The following CFAP47 variants were observed in gnomAD, a reference collection of about 807,000 sequenced individuals.
CFAP47 encodes the protein cilia and flagella associated protein 47, also known as cilia- and flagella-associated protein 47.
In CFAP47, 29 loss-of-function variants were observed where a neutral mutation model predicts 148.1. That is an observed-to-expected ratio of 0.20 (90% CI 0.15 to 0.27). CFAP47 has a LOEUF of 0.27. Ranked by LOEUF, CFAP47 falls within the 10% of genes least tolerant of loss-of-function variation. The pLI is 1.00. For synonymous variants in CFAP47, 664 were observed against 577.3 expected, an observed-to-expected ratio of 1.15 and a Z score of -2.15; for missense variants, 1,872 against 1,697.5, an observed-to-expected ratio of 1.10 and a Z score of -1.81.
chrX:36,113,521 T>TG (rs1938587488), intron 33 of CFAP47, among the ~76,000 whole-genome samples: 3 of 111,462 alleles, frequency 2.7e-5, no homozygotes, highest in African/African-American at 9.8e-5. Flanking sequence ...CCTTTAACAA[T>TG]TTTTCTTTCA....
chrX:36,226,564 T>C (rs1250585123), intron 45 of CFAP47, among the ~76,000 whole-genome samples: 2 of 111,793 alleles, frequency 1.8e-5, no homozygotes, highest in Non-Finnish European at 3.8e-5. Flanking sequence ...GATTTATAAA[T>C]ACATCATCAA....
intron 45 of CFAP47, among the ~76,000 whole-genome samples, chrX:36,225,307 C>A (rs1017588555): frequency 8.9e-6 from 1 of 111,759 alleles, no homozygotes; most frequent in Non-Finnish European, 1.9e-5. Flanking sequence ...TTCTATTATT[C>A]CATTTTAACA....
chrX:36,050,240 G>A (rs1197837376), intron 26 of CFAP47, among the ~76,000 whole-genome samples: 4 of 111,626 alleles, frequency 3.6e-5, no homozygotes, highest in Non-Finnish European at 5.6e-5. Context: ...ACAGGCAGAG[G>A]TTGGAACAGT....
chrX:36,002,679 A>G (rs187052436), intron 21 of CFAP47, among the ~76,000 whole-genome samples: 27 of 111,919 alleles, frequency 2.4e-4, no homozygotes, highest in African/African-American at 7.8e-4. Context: ...ATCAGAGTAT[A>G]AGATTCTTAT....
chrX:35,960,052 G>A (rs989185467), intron 8 of CFAP47, among the ~76,000 whole-genome samples: 5 of 108,673 alleles, frequency 4.6e-5, no homozygotes, highest in Admixed American at 3.0e-4. Flanking sequence ...ATTCTATTTT[G>A]CATATCTGTA....
intron 15 of CFAP47, among the ~76,000 whole-genome samples, chrX:35,976,693 A>T (rs1206168995): frequency 1.8e-5 from 2 of 111,417 alleles, no homozygotes; most frequent in Non-Finnish European, 3.8e-5. Flanking sequence ...ATAATCTGTG[A>T]TTCAGAATGA....
chrX:36,342,577 TGCTATGAAGCTA>T (rs1556015917), intron 57 of CFAP47, among the ~76,000 whole-genome samples: 1 of 111,608 alleles, frequency 9.0e-6, no homozygotes, highest in East Asian at 2.8e-4. Flanking sequence ...TATATGGAAA[TGCTATGAAGCTA>T]GCATTTCAAA....
At chrX:36,251,889 C>T (rs1257006992) in intron 49 of CFAP47, among the ~76,000 whole-genome samples, 1 of 111,062 alleles carries the variant, frequency 9.0e-6, no homozygotes, top group Non-Finnish European at 1.9e-5. Context: ...CCTTTATCTT[C>T]CCTTGTCTGT....
chrX:36,001,043 T>A (rs1475621135), intron 20 of CFAP47, among the ~76,000 whole-genome samples: 1 of 111,953 alleles, frequency 8.9e-6, no homozygotes, highest in African/African-American at 3.2e-5. Context: ...GCTTAAAATA[T>A]TTACTATCTG....
At chrX:36,067,704 C>G (rs1937663670) in intron 27 of CFAP47, among the ~76,000 whole-genome samples, 1 of 103,209 alleles carries the variant, frequency 9.7e-6, no homozygotes, top group South Asian at 4.7e-4. Flanking sequence ...GCTCTGTCTC[C>G]TAGGCTGGAG....
At chrX:35,958,983 G>C (rs1936284371) in intron 8 of CFAP47, among the ~76,000 whole-genome samples, 1 of 111,518 alleles carries the variant, frequency 9.0e-6, no homozygotes, top group Admixed American at 9.5e-5. Flanking sequence ...GGTGGAAGGG[G>C]GTGGGGTGCA....
intron 29 of CFAP47, among the ~76,000 whole-genome samples, chrX:36,084,393 C>T (rs1938042293): frequency 9.0e-6 from 1 of 111,453 alleles, no homozygotes; most frequent in African/African-American, 3.3e-5. Flanking sequence ...AACTAAGGAA[C>T]AGAAAAGTCA....
chrX:35,964,289 T>C (rs1751305345), intron 8 of CFAP47, among the ~76,000 whole-genome samples: 3 of 111,688 alleles, frequency 2.7e-5, no homozygotes, highest in African/African-American at 9.7e-5. Flanking sequence ...ACCTCTCCAC[T>C]GCCTTTTTGC....
At chrX:36,328,535 G>C (rs1050370553) in intron 57 of CFAP47, among the ~76,000 whole-genome samples, 1 of 111,710 alleles carries the variant, frequency 9.0e-6, no homozygotes, top group African/African-American at 3.2e-5. Context: ...TTGGGGCCGG[G>C]CGCGGTGGCT....
chrX:36,263,955 G>A (rs75274104), intron 49 of CFAP47, among the ~76,000 whole-genome samples: 2 of 111,447 alleles, frequency 1.8e-5, no homozygotes. Context: ...TTCAGGGCCC[G>A]AGGACTCTTC....
intron 56 of CFAP47, among the ~76,000 whole-genome samples, chrX:36,313,235 A>C (rs1223788831): frequency 1.8e-5 from 2 of 111,734 alleles, no homozygotes; most frequent in African/African-American, 6.5e-5. Context: ...TAATTTATAA[A>C]GGAAAGAGGT....
At chrX:36,245,435 AACTCTAAAG>A (rs1940603309) in intron 48 of CFAP47, among the ~76,000 whole-genome samples, 1 of 112,209 alleles carries the variant, frequency 8.9e-6, no homozygotes, top group Non-Finnish European at 1.9e-5. Flanking sequence ...ACACCTAGAA[AACTCTAAAG>A]ACTGCCAAAT....
chrX:36,038,759 C>T (rs1409106230), intron 24 of CFAP47, among the ~76,000 whole-genome samples: 2 of 112,400 alleles, frequency 1.8e-5, no homozygotes, highest in Non-Finnish European at 3.8e-5. Context: ...AAGAGACTTG[C>T]TCCATTTCTA....
At chrX:36,188,743 C>A (rs1487064257) in intron 41 of CFAP47, 53 bp downstream of exon 41, 3 of 292,388 alleles carry the variant, frequency 1.0e-5, no homozygotes, top group Non-Finnish European at 1.8e-5. Flanking sequence ...TTTTTATATG[C>A]AAAGCATAAT....
Sources: gnomAD v4.1 joint callset for allele counts (sites outside exome capture counted in the v4.1 genomes callset) on GRCh38, gnomAD v4.1.1 for gene constraint, MANE v1.5 for transcripts, NCBI Gene and HGNC (gene_info 2026-07-23, HGNC 2026-07-21) for gene names.